TUBGCP3: variants seen among roughly 807,000 people sequenced by gnomAD.
The protein encoded by TUBGCP3 is tubulin gamma complex component 3.
In TUBGCP3, 50 loss-of-function variants were observed where a neutral mutation model predicts 123.1. The observed-to-expected ratio is 0.41, with a 90% CI of 0.32 to 0.51. The LOEUF (loss-of-function observed/expected upper bound fraction) is 0.51, where lower values mean the gene tolerates loss of function less well. Among genes scored for constraint, TUBGCP3 ranks in the 20% least tolerant of loss-of-function variants. TUBGCP3 has a pLI of 0.36. For missense variants in TUBGCP3, 882 were observed against 1,127.0 expected, an observed-to-expected ratio of 0.78 and a Z score of 3.11; for synonymous variants, 405 against 413.9, an observed-to-expected ratio of 0.98 and a Z score of 0.26.
intron 1 of TUBGCP3, among the ~76,000 whole-genome samples, chr13:112,573,945 C>G (rs1881610425): frequency 1.3e-5 from 2 of 152,260 alleles, no homozygotes; most frequent in South Asian, 4.1e-4. Context: ...TGAGTGGCAC[C>G]TGGAAATTCA....
chr13:112,566,737 A>G (rs1346170329), intron 2 of TUBGCP3, among the ~76,000 whole-genome samples: 1 of 152,214 alleles, frequency 6.6e-6, no homozygotes, highest in East Asian at 1.9e-4. Context: ...AGCACAATAA[A>G]ATAAGAATAA....
intron 4 of TUBGCP3, 71 bp downstream of exon 4, chr13:112,559,251 G>A (rs1181361991): frequency 1.6e-5 from 21 of 1,273,340 alleles, no homozygotes; most frequent in Non-Finnish European, 2.0e-5. Flanking sequence ...CTTAGCTGCA[G>A]AAGCCGTTTC....
At chr13:112,518,259 G>A (rs1344379863) in intron 16 of TUBGCP3, among the ~76,000 whole-genome samples, 1 of 152,132 alleles carries the variant, frequency 6.6e-6, no homozygotes, top group Non-Finnish European at 1.5e-5. Context: ...CACGAAGCAG[G>A]CTCTACCAGA....
intron 3 of TUBGCP3, among the ~76,000 whole-genome samples, chr13:112,560,150 G>C (rs1880381678): frequency 7.0e-6 from 1 of 142,888 alleles, no homozygotes; most frequent in Non-Finnish European, 1.6e-5. Context: ...AAAAAAAAAG[G>C]CCGGGCGCGG....
chr13:112,488,314 T>C (rs1347360943), intron 21 of TUBGCP3, among the ~76,000 whole-genome samples: 3 of 151,864 alleles, frequency 2.0e-5, no homozygotes, highest in African/African-American at 7.3e-5. Flanking sequence ...AACAGAAATA[T>C]TTTTCATGAA....
At chr13:112,517,821 G>T (rs1433607760) in intron 16 of TUBGCP3, among the ~76,000 whole-genome samples, 3 of 152,100 alleles carry the variant, frequency 2.0e-5, no homozygotes, top group Non-Finnish European at 4.4e-5. Flanking sequence ...AATCTCAGAG[G>T]TGAAGGTTGC....
chr13:112,549,612 C>G (rs1879383643), intron 8 of TUBGCP3, among the ~76,000 whole-genome samples: 1 of 152,048 alleles, frequency 6.6e-6, no homozygotes, highest in Non-Finnish European at 1.5e-5. Context: ...AATGCCAATC[C>G]TCCTAATTTT....
Position 112,487,066 on chromosome 13 carries a change from T to TGTGC in TUBGCP3, c.2566-916_2566-915insGCAC, listed in dbSNP as rs1342704758. On this transcript the variant is annotated intron_variant, in intron 21 of 21. Coordinates refer to ENST00000261965, the MANE Select transcript of TUBGCP3 (RefSeq NM_006322.6). ...CAAACACTGTGTATGTGTGTGTGTG[T>TGTGC]GTGTGTGTGTGTGTGTCTGTGTGTG... 6.6e-3 allele frequency among the ~76,000 whole-genome samples: 969 copies of TGTGC among 146,476 alleles called. 4 individuals carry two copies. Among genetic ancestry groups the TGTGC allele is most frequent in the African/African-American group, 0.023 (926 of 40,408 alleles).
In TUBGCP3 at chr13:112,569,305, G is replaced by A. The variant is rs749802251; in HGVS notation, c.77-46C>T. 6.7e-5 allele frequency: 106 copies of A among 1,582,648 alleles called. 1 individual carries two copies. The highest frequency in any genetic ancestry group is 1.7e-4 in the Middle Eastern group (1 of 6,018). On this transcript the variant is annotated intron_variant, in intron 1 of 21. Coordinates refer to ENST00000261965, the MANE Select transcript of TUBGCP3 (RefSeq NM_006322.6). Reference sequence around the variant, plus strand: ...TGCGGATTGTTACCAACCAGGTTACGTTCTGGTCACCTGAAGCTTCCAGTT... The same window carrying A: ...TGCGGATTGTTACCAACCAGGTTACATTCTGGTCACCTGAAGCTTCCAGTT...
chr13:112,582,882 C>CTGCTGAG (rs1882372855), intron 1 of TUBGCP3, among the ~76,000 whole-genome samples: 1 of 152,152 alleles, frequency 6.6e-6, no homozygotes, highest in African/African-American at 2.4e-5. Flanking sequence ...GAGAGCAGTG[C>CTGCTGAG]TGCTGAGTTG....
chr13:112,567,330 T>G (rs1316139315), intron 2 of TUBGCP3, among the ~76,000 whole-genome samples: 1 of 152,216 alleles, frequency 6.6e-6, no homozygotes, highest in African/African-American at 2.4e-5. Context: ...TAAACAAACT[T>G]TATTTTTAGC....
Position 112,499,152 on chromosome 13 carries a change from G to C in TUBGCP3, c.2341C>G (p.Gln781Glu), listed in dbSNP as rs1003405920. The C allele has an allele frequency of 6.2e-7, 1 of 1,613,640 alleles. No homozygotes were observed. The highest frequency in any genetic ancestry group is 1.7e-5 in the Admixed American group (1 of 59,992). Residue 781 changes from glutamine (Q) to glutamate (E), a missense_variant, in exon 20 of 22, where the codon CAA becomes GAA. Transcript: ENST00000261965. ...TGAGCATTCTGAAGTTCAATAATTT[G>C]ATCAAACACAGCTCTAAGTTGATTT... is the stretch of plus-strand genomic sequence containing the variant. ...LLNQLRAVFD[Q>E]IIELQNAQDA...
rs1043069418 is a variant in TUBGCP3 at position 112,508,239 on chromosome 13, G to A, written c.2087-3525C>T. 2.6e-5 allele frequency among the ~76,000 whole-genome samples: 4 copies of A among 152,148 alleles called. No homozygotes were observed. Among genetic ancestry groups the A allele is most frequent in the South Asian group, 2.1e-4 (1 of 4,814 alleles). ...TAGCACACACTTAAAAGGCCAACCC[G>A]TATCCCCTCACTCTGAATCCATCTA... On this transcript the variant is annotated intron_variant, in intron 17 of 21. Coordinates refer to ENST00000261965, the MANE Select transcript of TUBGCP3 (RefSeq NM_006322.6). This position sits in a 1 kb window ranked among gnomAD's most constrained non-coding sequence, Gnocchi z 4.2.
chr13:112,595,722 C>A, the TUBGCP3 span, among the ~76,000 whole-genome samples: 1 of 137,124 alleles, frequency 7.3e-6, no homozygotes, highest in African/African-American at 3.1e-5. Flanking sequence ...GGATAGACAG[C>A]ATATAGTTGG....
intron 8 of TUBGCP3, among the ~76,000 whole-genome samples, chr13:112,553,622 G>A (rs1376323528): frequency 2.6e-5 from 4 of 152,204 alleles, no homozygotes; most frequent in African/African-American, 9.6e-5. Context: ...CCCATCTCCA[G>A]CTTCGGCAGT....
intron 13 of TUBGCP3, among the ~76,000 whole-genome samples, chr13:112,526,209 C>G (rs1566551810): frequency 6.8e-6 from 1 of 146,666 alleles, no homozygotes; most frequent in Admixed American, 6.8e-5. Context: ...GCCATCATCA[C>G]CACCATCATC....
chr13:112,496,467 A>G (rs1880535192), intron 20 of TUBGCP3, among the ~76,000 whole-genome samples: 1 of 152,242 alleles, frequency 6.6e-6, no homozygotes. Context: ...CTCAGGTCGA[A>G]ATGATGGCTT....
Position 112,547,745 on chromosome 13 carries a change from A to C in TUBGCP3, c.1043T>G (p.Leu348Arg), listed in dbSNP as rs763761817. ...CAAATTCACACCCTGGTCATCCTCT[A>C]GTTGTAGCTAAAAAACAATAAAGAT... ...LLSVLHSQLQLEDDQGVNLGL... is the reference protein window; with the variant it reads ...LLSVLHSQLQREDDQGVNLGL... Residue 348 changes from leucine to arginine, a missense_variant, in exon 10 of 22, where the codon CTA (leucine) becomes CGA (arginine). Physicochemically the swap from Leu to Arg is moderately radical, Grantham distance 102. Around this residue, in one of 3 missense-constraint regions of TUBGCP3, gnomAD observed 713 missense variants for 874.0 expected, o/e 0.82. Coordinates refer to ENST00000261965, the MANE Select transcript of TUBGCP3 (RefSeq NM_006322.6). 2.7e-6 allele frequency: 4 copies of C among 1,486,422 alleles called. No individual in the cohort carries two copies. The Admixed American group carries it at 7.1e-5, about 26-fold the overall frequency. 92.1% of individuals were successfully genotyped at this position (1,486,422 alleles called of 1,614,324 possible). A position where few individuals can be genotyped will look rare whatever the true frequency, so the allele number is the denominator to read the frequency against.
At chr13:112,531,472 G>A (rs1194585738) in intron 11 of TUBGCP3, among the ~76,000 whole-genome samples, 4 of 152,214 alleles carry the variant, frequency 2.6e-5, no homozygotes, top group Non-Finnish European at 5.9e-5. Context: ...CCGCGCTCAT[G>A]CTGGGACTGC....
Sources: gnomAD v4.1 joint callset for allele counts (sites outside exome capture counted in the v4.1 genomes callset) on GRCh38, gnomAD v4.1.1 for gene constraint, gnomAD v4.1.1 regional missense constraint, Gnocchi (gnomAD v3.1) non-coding constraint, MANE v1.5 for transcripts, NCBI Gene and HGNC (gene_info 2026-07-23, HGNC 2026-07-21) for gene names.